PATJ: variants seen among roughly 807,000 people sequenced by gnomAD.
PATJ encodes PATJ crumbs cell polarity complex component.
A neutral mutation model predicts 224.9 loss-of-function variants in PATJ; 190 were observed. The ratio of observed to expected loss-of-function variants is 0.84; its 90% CI spans 0.75 to 0.95. PATJ has a LOEUF of 0.95. Among genes scored for constraint, PATJ ranks in the 40% least tolerant of loss-of-function variants. The pLI is 0.00. For synonymous variants in PATJ, 769 were observed against 820.3 expected (o/e 0.94, Z 1.07); for missense variants, 2,121 against 2,270.3 (o/e 0.93, Z 1.34).
At chr1:61,875,982 G>A (rs1006672459) in intron 21 of PATJ, among the ~76,000 whole-genome samples, 1 of 152,120 alleles carries the variant, frequency 6.6e-6, no homozygotes, top group South Asian at 2.1e-4. Context: ...TCCCTAGGGA[G>A]ATTGTTAAAT....
At chr1:62,013,704 A>G (rs7555002) in intron 28 of PATJ, among the ~76,000 whole-genome samples, 10,857 of 152,290 alleles carry the variant, frequency 0.071, 1,094 homozygotes, top group African/African-American at 0.22. Flanking sequence ...GAGGCTGAAC[A>G]CAGTGGGGAA....
chr1:61,836,214 T>C (rs1660154497), intron 17 of PATJ, among the ~76,000 whole-genome samples: 1 of 152,222 alleles, frequency 6.6e-6, no homozygotes, highest in Non-Finnish European at 1.5e-5. Context: ...ATTGCATTCC[T>C]GTAGGTATGT....
chr1:61,882,395 G>A (rs902071983), intron 21 of PATJ, among the ~76,000 whole-genome samples: 4 of 152,134 alleles, frequency 2.6e-5, no homozygotes, highest in African/African-American at 9.7e-5. Context: ...ACAATTAAGT[G>A]TGTTCCTAGA....
At chr1:61,847,730 T>C (rs2148868938) in intron 17 of PATJ, among the ~76,000 whole-genome samples, 1 of 152,348 alleles carries the variant, frequency 6.6e-6, no homozygotes, top group South Asian at 2.1e-4. Flanking sequence ...CAAAAGTAAA[T>C]GCTTAGCTTA....
At chr1:61,888,948 G>A (rs1260409930) in intron 22 of PATJ, among the ~76,000 whole-genome samples, 1 of 152,102 alleles carries the variant, frequency 6.6e-6, no homozygotes, top group African/African-American at 2.4e-5. Context: ...GCTTGCTATT[G>A]GAGATTTAGG....
At position 62,062,545 on chromosome 1, in the gene PATJ, G is replaced by A. The variant is rs1327937376; in HGVS notation, c.4125+11487G>A. Among the ~76,000 whole-genome samples the A allele has an allele frequency of 5.4e-5, 7 of 130,678 alleles. 1 individual carries two copies. Among genetic ancestry groups the A allele is most frequent in the African/African-American group, 2.0e-4 (7 of 34,396 alleles). 85.7% of individuals were successfully genotyped at this position (130,678 alleles called of 152,430 possible). A position where few individuals can be genotyped will look rare whatever the true frequency, so the allele number is the denominator to read the frequency against. On this transcript the variant is annotated intron_variant, in intron 31 of 43. Coordinates refer to ENST00000642238, the MANE Select transcript of PATJ (RefSeq NM_001350145.3). The stretch of plus-strand genomic sequence containing the variant: ...AGGGTCTCACTCTGTTTCCCAGGCT[G>A]GAGTGCAGTGGTGTGTGGTCATAGC...
intron 14 of PATJ, among the ~76,000 whole-genome samples, chr1:61,818,684 T>C (rs1656656861): frequency 6.6e-6 from 1 of 152,206 alleles, no homozygotes; most frequent in Non-Finnish European, 1.5e-5. Context: ...TTCACCCTAA[T>C]TGAAGATAGA....
chr1:62,150,012 A>G (rs2481672), intron 42 of PATJ, among the ~76,000 whole-genome samples: 114,176 of 151,946 alleles, frequency 0.75, 43,379 homozygotes, highest in African/African-American at 0.85. Context: ...TTTGATGGCC[A>G]CAGGAGGTAG....
chr1:62,156,809 G>A (rs1161249868), intron 43 of PATJ, among the ~76,000 whole-genome samples: 1 of 151,498 alleles, frequency 6.6e-6, no homozygotes, highest in Non-Finnish European at 1.5e-5. Flanking sequence ...CCAGCTACTT[G>A]GGAGGCTGAG....
chr1:61,758,723 G>A (rs1437896446), intron 1 of PATJ, among the ~76,000 whole-genome samples: 1 of 152,058 alleles, frequency 6.6e-6, no homozygotes, highest in Non-Finnish European at 1.5e-5. Context: ...ATTAACAAAT[G>A]TTTTTCCTAA....
chr1:61,806,571 A>T (rs2148618291), intron 13 of PATJ, among the ~76,000 whole-genome samples: 1 of 151,218 alleles, frequency 6.6e-6, no homozygotes, highest in African/African-American at 2.4e-5. Flanking sequence ...GTGAGCGGAG[A>T]TCATGCCACT....
chr1:62,154,558 G>A (rs1163321527), intron 43 of PATJ, among the ~76,000 whole-genome samples: 1 of 151,592 alleles, frequency 6.6e-6, no homozygotes, highest in Non-Finnish European at 1.5e-5. Flanking sequence ...CTACTTGGGA[G>A]GCTGAGACAT....
At chr1:62,121,459 A>G (rs1241648282) in intron 38 of PATJ, among the ~76,000 whole-genome samples, 164 bp downstream of exon 38, 1 of 152,118 alleles carries the variant, frequency 6.6e-6, no homozygotes, top group Non-Finnish European at 1.5e-5. Context: ...AAGGTAGGAA[A>G]GCCATAGAGA....
rs1208569622 is a variant in PATJ, at chr1:61,884,340, G to A, written c.3063G>A (p.Ala1021=). 2.1e-5 allele frequency: 34 copies of A among 1,613,030 alleles called. No individual in the cohort carries two copies. The highest frequency in any genetic ancestry group is 4.0e-5 in the African/African-American group (3 of 74,740). The part of the protein sequence containing the change: ...QEDLPLYQHQ[A]TRVISKASAY... ...ATTTGCCTTTATATCAACACCAAGCGACACGAGTTATTTCCAAGGCCTCAG... is the reference window on the plus strand; with the variant it reads ...ATTTGCCTTTATATCAACACCAAGCAACACGAGTTATTTCCAAGGCCTCAG... The change falls in exon 22 of 44, where the codon GCG becomes GCA. Residue 1021 remains alanine, a synonymous_variant. Coordinates refer to ENST00000642238, the MANE Select transcript of PATJ (RefSeq NM_001350145.3).
At chr1:61,864,823 C>T (rs938281186) in intron 20 of PATJ, among the ~76,000 whole-genome samples, 190 bp downstream of exon 20, 5 of 152,146 alleles carry the variant, frequency 3.3e-5, no homozygotes, top group Non-Finnish European at 7.4e-5. Context: ...TTCACATCTT[C>T]TCATGGGGGT....
At chr1:61,997,776 G>A (rs1645454590) in intron 28 of PATJ, among the ~76,000 whole-genome samples, 1 of 144,478 alleles carries the variant, frequency 6.9e-6, no homozygotes, top group African/African-American at 2.5e-5. Context: ...AGTTTTTTAT[G>A]TGTGCGGTTT....
chr1:61,843,605 G>A (rs578223641), intron 17 of PATJ, among the ~76,000 whole-genome samples: 13 of 151,680 alleles, frequency 8.6e-5, no homozygotes, highest in South Asian at 6.3e-4. Context: ...GCATGGTGGC[G>A]TGCACCTGTA....
At position 61,771,468 on chromosome 1, in the gene PATJ, A is replaced by C. The variant is rs1362762511; in HGVS notation, c.562A>C (p.Ile188Leu). 2.5e-6 allele frequency: 4 copies of C among 1,606,208 alleles called. No homozygotes were observed. Among genetic ancestry groups the C allele is most frequent in the Non-Finnish European group, 3.4e-6 (4 of 1,177,576 alleles). The change falls in exon 6 of 44, where the codon ATT becomes CTT. Residue 188 changes from isoleucine (I) to leucine (L), a missense_variant. Physicochemically the swap from Ile to Leu is conservative, Grantham distance 5. Coordinates refer to ENST00000642238, the MANE Select transcript of PATJ (RefSeq NM_001350145.3). ...RLKENDQILA[I>L]NHTPLDQNIS... ...AAAGGAAAATGATCAAATATTGGCC[A>C]TTAATCACACGCCATTGGATCAGAA...
At chr1:62,008,264 G>A (rs956523977) in intron 28 of PATJ, among the ~76,000 whole-genome samples, 18 of 152,286 alleles carry the variant, frequency 1.2e-4, no homozygotes, top group African/African-American at 3.1e-4. Context: ...TATTTGTGAT[G>A]AGAGGATTTG....
Sources: gnomAD v4.1 joint callset for allele counts (sites outside exome capture counted in the v4.1 genomes callset) on GRCh38, gnomAD v4.1.1 for gene constraint, MANE v1.5 for transcripts, NCBI Gene and HGNC (gene_info 2026-07-23, HGNC 2026-07-21) for gene names.